The following PTPRO variants were observed in gnomAD, a reference collection of about 807,000 sequenced individuals.
PTPRO encodes the protein receptor-type tyrosine-protein phosphatase O.
In PTPRO, 62 loss-of-function variants were observed where a neutral mutation model predicts 145.2. That is an observed-to-expected ratio of 0.43 (90% CI 0.35 to 0.53). PTPRO has a LOEUF of 0.53. PTPRO is among the 20% of genes least tolerant of loss of function. The pLI is 0.01. For synonymous variants in PTPRO, 565 were observed against 514.7 expected (o/e 1.10, Z -1.32); for missense variants, 1,345 against 1,482.7 (o/e 0.91, Z 1.53).
At chr12:15,337,454 T>C (rs780441858) in intron 1 of PTPRO, 1 of 152,188 alleles carries the variant, frequency 6.6e-6, no homozygotes, top group Non-Finnish European at 1.5e-5. Flanking sequence ...AAAACCGTGA[T>C]GGATGGTTAC....
intron 1 of PTPRO, among the ~76,000 whole-genome samples, chr12:15,339,329 G>C (rs1866889376): frequency 6.6e-6 from 1 of 152,148 alleles, no homozygotes; most frequent in South Asian, 2.1e-4. Flanking sequence ...TCCTGAGGAG[G>C]ATGAGTAGTT....
At chr12:15,431,957 CATT>C (rs956180828) in intron 1 of PTPRO, among the ~76,000 whole-genome samples, 36 of 152,220 alleles carry the variant, frequency 2.4e-4, no homozygotes, top group African/African-American at 8.2e-4. Flanking sequence ...CACTAATACT[CATT>C]ATGAGACTGA....
At chr12:15,496,142 G>GTTTTTTTTTTTTTTTTTTTTTTT (rs71042255) in intron 2 of PTPRO, among the ~76,000 whole-genome samples, 13 of 75,364 alleles carry the variant, frequency 1.7e-4, no homozygotes, top group South Asian at 5.5e-4. Flanking sequence ...TTCTTTTTTT[G>GTTTTTTTTTTTTTTTTTTTTTTT]TTTTTTTTTT....
At chr12:15,570,025 G>A (rs558490893) in intron 19 of PTPRO, among the ~76,000 whole-genome samples, 2 of 152,104 alleles carry the variant, frequency 1.3e-5, no homozygotes, top group Non-Finnish European at 2.9e-5. Flanking sequence ...GACAAATTGG[G>A]GAGATAAAGT....
chr12:15,519,353 G>C (rs1283062421), intron 9 of PTPRO, among the ~76,000 whole-genome samples: 1 of 152,190 alleles, frequency 6.6e-6, no homozygotes, highest in Non-Finnish European at 1.5e-5. Context: ...TGGGGACACA[G>C]CCAAACCATA....
chr12:15,414,189 C>A (rs1939881582), intron 1 of PTPRO, among the ~76,000 whole-genome samples: 1 of 152,158 alleles, frequency 6.6e-6, no homozygotes, highest in African/African-American at 2.4e-5. Flanking sequence ...GAAAGGTCTC[C>A]TGTTTGCGTT....
At chr12:15,495,210 C>T (rs1218248366) in intron 2 of PTPRO, among the ~76,000 whole-genome samples, 1 of 151,592 alleles carries the variant, frequency 6.6e-6, no homozygotes, top group African/African-American at 2.4e-5. Flanking sequence ...ATAAAATATA[C>T]TGGAGTCTGA....
chr12:15,560,587 A>G (rs1490675422), intron 17 of PTPRO, among the ~76,000 whole-genome samples: 1 of 151,990 alleles, frequency 6.6e-6, no homozygotes, highest in South Asian at 2.1e-4. Context: ...TTCCATTATC[A>G]TCTTCATCCA....
chr12:15,549,329 C>A, intron 14 of PTPRO, 103 bp downstream of exon 14: 2 of 962,880 alleles, frequency 2.1e-6, no homozygotes, highest in South Asian at 3.4e-5. Context: ...GCTTCGGAGT[C>A]AGAGAGTCCT....
At chr12:15,495,052 G>T (rs184506936) in intron 2 of PTPRO, among the ~76,000 whole-genome samples, 60 of 151,976 alleles carry the variant, frequency 3.9e-4, no homozygotes, top group Non-Finnish European at 6.0e-4. Flanking sequence ...AGTTTTCAAG[G>T]GTTGGTTGAT....
Position 15,416,444 on chromosome 12 carries a change from C to T in PTPRO, c.76-67530C>T, listed in dbSNP as rs548657415. Among the ~76,000 whole-genome samples the T allele has an allele frequency of 2.6e-5, 4 of 151,324 alleles. No individual in the cohort carries two copies. In the South Asian group the frequency reaches 8.3e-4, roughly 31 times the overall value. On this transcript the variant is annotated intron_variant, in intron 1 of 26. Transcript: ENST00000281171. Reference sequence around the variant, plus strand: ...ACACCATTCTCCTGCCTCAGCCTCCCGAGTAGCTGGGACTACAGGCGCCCA... The same window carrying T: ...ACACCATTCTCCTGCCTCAGCCTCCTGAGTAGCTGGGACTACAGGCGCCCA...
At chr12:15,468,545 T>C (rs1941468979) in intron 1 of PTPRO, among the ~76,000 whole-genome samples, 1 of 152,178 alleles carries the variant, frequency 6.6e-6, no homozygotes, top group African/African-American at 2.4e-5. Flanking sequence ...AGCCCATAGG[T>C]CTCTGCCTAA....
chr12:15,502,501 G>C (rs923446271), intron 5 of PTPRO, among the ~76,000 whole-genome samples: 2 of 152,170 alleles, frequency 1.3e-5, no homozygotes, highest in Non-Finnish European at 2.9e-5. Flanking sequence ...ACTTCCTCAA[G>C]AATATGAGGC....
At chr12:15,363,784 T>C (rs1052612565) in intron 1 of PTPRO, among the ~76,000 whole-genome samples, 2 of 152,132 alleles carry the variant, frequency 1.3e-5, no homozygotes, top group Non-Finnish European at 2.9e-5. Flanking sequence ...AAAAAAACGC[T>C]ATCACTGTTA....
chr12:15,419,732 GGT>G (rs1397752530), intron 1 of PTPRO, among the ~76,000 whole-genome samples: 1 of 145,150 alleles, frequency 6.9e-6, no homozygotes, highest in African/African-American at 2.7e-5. Flanking sequence ...CTAGTTCTTT[GGT>G]GTTTTTTTTT....
At chr12:15,566,531 A>ATTTT (rs1174220540) in intron 18 of PTPRO, among the ~76,000 whole-genome samples, 1 of 151,542 alleles carries the variant, frequency 6.6e-6, no homozygotes, top group Non-Finnish European at 1.5e-5. Context: ...ATTTTATTTT[A>ATTTT]TTTTTTGGAG....
intron 2 of PTPRO, among the ~76,000 whole-genome samples, chr12:15,484,635 T>C (rs183958530): frequency 1.5e-4 from 23 of 152,232 alleles, no homozygotes; most frequent in Admixed American, 1.0e-3. Context: ...AATGAACTGA[T>C]ACTCCTATTT....
Position 15,508,688 on chromosome 12 carries a change from GCAC to G in PTPRO, c.1388_1390del (p.Thr463del). On this transcript the variant is annotated inframe_deletion, in exon 7 of 27. Transcript: ENST00000281171. ...ACATCTTCCCAAGAGAACTACAACA[GCAC>G]CATTGTGTCTGTGGTGTCGCTGACC... 6.2e-7 allele frequency: 1 copy of G among 1,614,060 alleles called. No homozygotes were observed. Among genetic ancestry groups the G allele is most frequent in the Non-Finnish European group, 8.5e-7 (1 of 1,179,980 alleles).
chr12:15,510,215 G>A (rs1001979679), intron 7 of PTPRO, among the ~76,000 whole-genome samples: 4 of 152,142 alleles, frequency 2.6e-5, no homozygotes, highest in African/African-American at 7.2e-5. Flanking sequence ...TTCAGGAATC[G>A]TGTTCTTTGG....
Sources: allele counts gnomAD v4.1 joint callset (sites outside exome capture counted in the v4.1 genomes callset), GRCh38; gene constraint gnomAD v4.1.1; transcripts MANE v1.5; gene names NCBI Gene and HGNC (gene_info 2026-07-23, HGNC 2026-07-21).